Variants in FARS2 observed in about 807,000 individuals in gnomAD.
The protein encoded by FARS2 is phenylalanyl-tRNA synthetase 2, mitochondrial.
Under a neutral mutation model 46.4 loss-of-function variants are expected in FARS2, and 40 were observed. The ratio of observed to expected loss-of-function variants is 0.86; its 90% CI spans 0.67 to 1.12. The LOEUF is 1.12. FARS2 is among the 50% of genes most tolerant of loss of function. The pLI is 0.00. For synonymous variants in FARS2, 234 were observed against 214.9 expected (o/e 1.09, Z -0.78); for missense variants, 513 against 567.9 (o/e 0.90, Z 0.98).
intron 6 of FARS2, among the ~76,000 whole-genome samples, chr6:5,671,185 T>C (rs942550455): frequency 1.3e-5 from 2 of 152,216 alleles, no homozygotes; most frequent in Non-Finnish European, 2.9e-5. Context: ...TAAATTTAAC[T>C]AATTTAGGGC....
intron 4 of FARS2, among the ~76,000 whole-genome samples, chr6:5,438,239 ACCCC>A (rs1182394280): frequency 7.6e-5 from 4 of 52,692 alleles, no homozygotes; most frequent in Non-Finnish European, 1.0e-4. Context: ...GCTTCTACCC[ACCCC>A]CCGCCCCCCC....
chr6:5,673,430 T>C (rs901718700), intron 6 of FARS2, among the ~76,000 whole-genome samples: 2 of 152,200 alleles, frequency 1.3e-5, no homozygotes, highest in African/African-American at 4.8e-5. Flanking sequence ...AATTTGGGCC[T>C]GTCCATCCTG....
chr6:5,305,326 G>A (rs890440498), intron 1 of FARS2, among the ~76,000 whole-genome samples: 3 of 152,124 alleles, frequency 2.0e-5, no homozygotes, highest in African/African-American at 4.8e-5. Flanking sequence ...TATGATGTAC[G>A]TGTATGGTAG....
chr6:5,302,002 T>G (rs1281019978), intron 1 of FARS2, among the ~76,000 whole-genome samples: 1 of 152,208 alleles, frequency 6.6e-6, no homozygotes, highest in Non-Finnish European at 1.5e-5. Context: ...GCTCCTTATG[T>G]TGTTGGTCAT....
chr6:5,722,948 C>T (rs6923842), intron 6 of FARS2, among the ~76,000 whole-genome samples: 29,846 of 152,098 alleles, frequency 0.2, 3,141 homozygotes, highest in African/African-American at 0.27. Context: ...AAACAACTTA[C>T]TAAAACCTCA....
chr6:5,260,687 A>C, upstream of FARS2: 1 of 1,547,324 alleles, frequency 6.5e-7, no homozygotes, highest in Non-Finnish European at 8.7e-7. Context: ...CTCTCTCAGC[A>C]TCGCCCGGTA....
At chr6:5,296,001 A>C (rs984187890) in intron 1 of FARS2, among the ~76,000 whole-genome samples, 2 of 152,140 alleles carry the variant, frequency 1.3e-5, no homozygotes, top group East Asian at 3.9e-4. Context: ...TGCCAGGCGC[A>C]TGCTAAACAC....
chr6:5,258,281 C>G (rs1265017131), upstream of FARS2, among the ~76,000 whole-genome samples: 1 of 152,194 alleles, frequency 6.6e-6, no homozygotes. Context: ...TTACTTAAGG[C>G]ACAATTCGCA....
intron 4 of FARS2, among the ~76,000 whole-genome samples, chr6:5,544,349 G>T (rs1256660780): frequency 1.3e-5 from 2 of 152,178 alleles, no homozygotes; most frequent in African/African-American, 4.8e-5. Flanking sequence ...GTGCATGCGG[G>T]GTGGGAGTCT....
intron 3 of FARS2, among the ~76,000 whole-genome samples, chr6:5,417,776 G>T (rs893315167): frequency 1.3e-5 from 2 of 152,080 alleles, no homozygotes; most frequent in African/African-American, 4.8e-5. Context: ...TATATTTTTC[G>T]TGAAATCTGG....
chr6:5,528,729 T>C (rs1769629620), intron 4 of FARS2, among the ~76,000 whole-genome samples: 2 of 152,292 alleles, frequency 1.3e-5, no homozygotes, highest in South Asian at 2.1e-4. Flanking sequence ...TTTGGAGCAA[T>C]GAAATGTAAG....
intron 1 of FARS2, among the ~76,000 whole-genome samples, chr6:5,299,012 T>C (rs1437371756): frequency 6.6e-6 from 1 of 152,222 alleles, no homozygotes; most frequent in Non-Finnish European, 1.5e-5. Flanking sequence ...TTTATGTCTT[T>C]ATAGAGTATG....
At chr6:5,417,478 C>T (rs544074915) in intron 3 of FARS2, among the ~76,000 whole-genome samples, 11 of 152,308 alleles carry the variant, frequency 7.2e-5, no homozygotes, top group South Asian at 4.1e-4. Context: ...TCTCCTTCCT[C>T]GGCCTCCCAG....
intron 6 of FARS2, among the ~76,000 whole-genome samples, chr6:5,637,952 CATACGAATTTTGG>C (rs2150733128): frequency 6.6e-6 from 1 of 152,306 alleles, no homozygotes; most frequent in East Asian, 1.9e-4. Flanking sequence ...AGGACTGCAA[CATACGAATTTTGG>C]GAGGACACAG....
intron 5 of FARS2, chr6:5,609,929 A>C: frequency 8.0e-7 from 1 of 1,252,172 alleles, no homozygotes; most frequent in Admixed American, 1.7e-5. Context: ...TCTTCTCTTG[A>C]GACAGCTCTC....
intron 6 of FARS2, among the ~76,000 whole-genome samples, chr6:5,742,790 A>T (rs1761426402): frequency 6.6e-6 from 1 of 152,138 alleles, no homozygotes; most frequent in African/African-American, 2.4e-5. Flanking sequence ...CTATCCCATA[A>T]GAGTTTCTTT....
In FARS2 at chr6:5,764,419, T is replaced by C. The variant is rs755192530; in HGVS notation, c.1218-6872T>C. Among the ~76,000 whole-genome samples, 4 of 152,078 alleles carry C rather than the reference T, an allele frequency of 2.6e-5. No individual in the cohort carries two copies. The highest frequency in any genetic ancestry group is 5.9e-5 in the Non-Finnish European group (4 of 68,008). ...AGTCCAGCCCTACCCACTAAAGCAT[T>C]GCACGTATTGACCCTCGCAGCCATG... On this transcript the variant is annotated intron_variant, in intron 6 of 6. Coordinates refer to ENST00000274680, the MANE Select transcript of FARS2 (RefSeq NM_006567.5). The surrounding 1 kb of genome is among the most constrained non-coding windows in gnomAD (Gnocchi z 4.1).
chr6:5,751,522 A>G lies in FARS2; in HGVS notation c.1218-19769A>G, dbSNP rs543374069. On this transcript the variant is annotated intron_variant, in intron 6 of 6. Coordinates refer to ENST00000274680, the MANE Select transcript of FARS2 (RefSeq NM_006567.5). Reference sequence around the variant, plus strand: ...AGAGTCCTTAAATCTAATTGCAATCATGGATCCTTTCCAAGCTTCTAGAGT... The same window carrying G: ...AGAGTCCTTAAATCTAATTGCAATCGTGGATCCTTTCCAAGCTTCTAGAGT... Among the ~76,000 whole-genome samples, 26 of 152,300 alleles carry G rather than the reference A, an allele frequency of 1.7e-4. 1 individual carries two copies. In the South Asian group the frequency reaches 5.0e-3, roughly 29 times the overall value.
intron 6 of FARS2, among the ~76,000 whole-genome samples, chr6:5,762,209 AC>A (rs1762515843): frequency 6.6e-6 from 1 of 152,200 alleles, no homozygotes; most frequent in Non-Finnish European, 1.5e-5. Flanking sequence ...CCAACTGTTA[AC>A]TGTTAGCATG....
Sources: gnomAD v4.1 joint callset for allele counts (sites outside exome capture counted in the v4.1 genomes callset) on GRCh38, gnomAD v4.1.1 for gene constraint, Gnocchi (gnomAD v3.1) non-coding constraint, MANE v1.5 for transcripts, NCBI Gene and HGNC (gene_info 2026-07-23, HGNC 2026-07-21) for gene names.